Variants in PAFAH1B1 observed in about 807,000 individuals in gnomAD.
PAFAH1B1 encodes the protein platelet-activating factor acetylhydrolase IB subunit beta.
PAFAH1B1 carries 2 observed loss-of-function variants against 57.5 expected under a neutral mutation model. The ratio of observed to expected loss-of-function variants is 0.03; its 90% CI spans 0.01 to 0.11. PAFAH1B1 has a LOEUF of 0.11. Among genes scored for constraint, PAFAH1B1 ranks in the 10% least tolerant of loss-of-function variants. The pLI is 1.00. For synonymous variants in PAFAH1B1, 152 were observed against 169.6 expected, an observed-to-expected ratio of 0.90 and a Z score of 0.81; for missense variants, 257 against 512.0, an observed-to-expected ratio of 0.50 and a Z score of 4.81.
chr17:2,614,553 C>G lies in PAFAH1B1; in HGVS notation c.-191+20547C>G, dbSNP rs1432779314. Among the ~76,000 whole-genome samples, 3 of 152,198 alleles carry G rather than the reference C, an allele frequency of 2.0e-5. No individual in the cohort carries two copies. In the East Asian group the frequency reaches 5.8e-4, roughly 29 times the overall value. On this transcript the variant is annotated intron_variant, in intron 1 of 10. Transcript: ENST00000397195. ...GAAGACTAGATAGTTATATAATGAA[C>G]AAGGCAACTGTGTTTTCTTCTTGAA...
intron 1 of PAFAH1B1, among the ~76,000 whole-genome samples, chr17:2,629,964 T>G (rs1202200611): frequency 6.6e-6 from 1 of 152,132 alleles, no homozygotes; most frequent in Non-Finnish European, 1.5e-5. Context: ...TACTTTAAAT[T>G]TATGTGAGTC....
intron 2 of PAFAH1B1, among the ~76,000 whole-genome samples, chr17:2,664,734 G>A (rs116358654): frequency 0.014 from 2,059 of 148,280 alleles, 37 homozygotes; most frequent in African/African-American, 0.045. Context: ...TTTTGGTCCC[G>A]AGCATTTTGT....
chr17:2,620,068 A>G (rs1243497527), intron 1 of PAFAH1B1, among the ~76,000 whole-genome samples: 2 of 152,126 alleles, frequency 1.3e-5, no homozygotes, highest in Non-Finnish European at 2.9e-5. Flanking sequence ...TGCCCCCACA[A>G]ATATGCCCCA....
chr17:2,615,240 A>G (rs1342425939), intron 1 of PAFAH1B1, among the ~76,000 whole-genome samples: 1 of 152,218 alleles, frequency 6.6e-6, no homozygotes, highest in African/African-American at 2.4e-5. Flanking sequence ...GCCATTTTAT[A>G]TAAGGGATTC....
intron 5 of PAFAH1B1, among the ~76,000 whole-genome samples, chr17:2,669,484 G>T (rs115936795): frequency 0.06 from 9,131 of 152,048 alleles, 696 homozygotes; most frequent in African/African-American, 0.18. Flanking sequence ...GGATAGTCTC[G>T]AACTGACCTC....
At chr17:2,618,989 A>T (rs1274681010) in intron 1 of PAFAH1B1, among the ~76,000 whole-genome samples, 1 of 150,830 alleles carries the variant, frequency 6.6e-6, no homozygotes, top group Non-Finnish European at 1.5e-5. Context: ...TCAGAGCAAC[A>T]GTCATATAAC....
intron 6 of PAFAH1B1, among the ~76,000 whole-genome samples, chr17:2,671,191 G>GT (rs1011776332): frequency 1.3e-5 from 2 of 151,768 alleles, no homozygotes; most frequent in Admixed American, 6.6e-5. Context: ...CATGAACACT[G>GT]TTTTTTTGTT....
At chr17:2,652,546 A>C (rs2068876714) in intron 2 of PAFAH1B1, among the ~76,000 whole-genome samples, 1 of 151,954 alleles carries the variant, frequency 6.6e-6, no homozygotes, top group Non-Finnish European at 1.5e-5. Flanking sequence ...TGAGGTCCTG[A>C]GGTTTCTCCT....
At position 2,676,499 on chromosome 17, in the gene PAFAH1B1, C is replaced by G; in HGVS notation, c.901-6C>G. The G allele has an allele frequency of 1.9e-6, 3 of 1,580,316 alleles. No homozygotes were observed. Among genetic ancestry groups the G allele is most frequent in the Non-Finnish European group, 2.6e-6 (3 of 1,150,218 alleles). ...GGAAACTTAATTTTTATTATGTTTT[C>G]TGTAGACTAAAAAAAGTGGTAAACC... On this transcript the variant is annotated splice_polypyrimidine_tract_variant and splice_region_variant and intron_variant, in intron 8 of 10. Coordinates refer to ENST00000397195, the MANE Select transcript of PAFAH1B1 (RefSeq NM_000430.4).
intron 1 of PAFAH1B1, 125 bp downstream of exon 1, chr17:2,594,131 C>T (rs977411259): frequency 1.9e-4 from 74 of 396,074 alleles, no homozygotes; most frequent in African/African-American, 1.5e-3. Flanking sequence ...CTCCCCTCCC[C>T]CTGCCTCCGC....
At chr17:2,640,438 T>C (rs1356522182) in intron 2 of PAFAH1B1, 17 of 151,028 alleles carry the variant, frequency 1.1e-4, no homozygotes, top group Admixed American at 1.1e-3. Context: ...AATAGAGTAT[T>C]TCTCATATTG....
In PAFAH1B1 at chr17:2,683,010, G is replaced by A. The variant is rs564420150; in HGVS notation, c.*1208G>A. 9.8e-5 allele frequency: 15 copies of A among 152,640 alleles called. No individual in the cohort carries two copies. In the South Asian group the frequency reaches 2.3e-3, roughly 23 times the overall value. The allele number at this position is 152,640 out of a possible 1,614,324, so 9.5% of individuals were successfully genotyped here. ...TGGGTTTTTGAAAAAGTGCTAAAACGGACAAGTAGAATAAATGTTGCTGTG... is the reference window on the plus strand; with the variant it reads ...TGGGTTTTTGAAAAAGTGCTAAAACAGACAAGTAGAATAAATGTTGCTGTG... On this transcript the variant is annotated 3_prime_UTR_variant, in exon 11 of 11. Transcript: ENST00000397195.
chr17:2,599,222 T>A (rs2068114016), intron 1 of PAFAH1B1, among the ~76,000 whole-genome samples: 1 of 152,208 alleles, frequency 6.6e-6, no homozygotes, highest in African/African-American at 2.4e-5. Context: ...TTTTTATGGA[T>A]GAGAGAACTG....
At chr17:2,649,844 A>G (rs1456396512) in intron 2 of PAFAH1B1, among the ~76,000 whole-genome samples, 3 of 152,230 alleles carry the variant, frequency 2.0e-5, no homozygotes, top group Non-Finnish European at 4.4e-5. Flanking sequence ...ATATTATTGT[A>G]AAATGTGGAA....
rs533415561 is a variant in PAFAH1B1 at position 2,627,946 on chromosome 17, C to T, written c.-190-10153C>T. 9.2e-4 allele frequency among the ~76,000 whole-genome samples: 140 copies of T among 152,188 alleles called. 2 individuals are homozygous for T. Among genetic ancestry groups the T allele is most frequent in the African/African-American group, 3.1e-3 (128 of 41,530 alleles). On this transcript the variant is annotated intron_variant, in intron 1 of 10. Coordinates refer to ENST00000397195, the MANE Select transcript of PAFAH1B1 (RefSeq NM_000430.4). ...TTAATCTTGAATCCAGAAACTTTGCCGAATTCTTTTATCAGTTCTAGGAGC... is the reference window on the plus strand; with the variant it reads ...TTAATCTTGAATCCAGAAACTTTGCTGAATTCTTTTATCAGTTCTAGGAGC...
rs1459504738 is a variant in PAFAH1B1, at chr17:2,683,297, A to T, written c.*1495A>T. On this transcript the variant is annotated 3_prime_UTR_variant, in exon 11 of 11. Transcript: ENST00000397195. ...AATAAAGAATTCCATTGCTTAGCTA[A>T]CCAACAGGTTTTTTTTGTTTCCAAG... 1 of 152,148 alleles carries T rather than the reference A, an allele frequency of 6.6e-6. No individual in the cohort carries two copies. Among genetic ancestry groups the T allele is most frequent in the East Asian group, 1.9e-4 (1 of 5,204 alleles). The allele number at this position is 152,148 out of a possible 1,614,324, so 9.4% of individuals were successfully genotyped here.
At chr17:2,661,687 T>C (rs1408763746) in intron 2 of PAFAH1B1, among the ~76,000 whole-genome samples, 1 of 152,222 alleles carries the variant, frequency 6.6e-6, no homozygotes, top group African/African-American at 2.4e-5. Context: ...AACATCTCAG[T>C]TCATCAGCCT....
Position 2,681,960 on chromosome 17 carries a change from A to G in PAFAH1B1, c.*158A>G. The G allele has an allele frequency of 1.6e-6, 1 of 612,482 alleles. No individual in the cohort carries two copies. Among genetic ancestry groups the G allele is most frequent in the Non-Finnish European group, 2.9e-6 (1 of 348,230 alleles). 37.9% of individuals were successfully genotyped at this position (612,482 alleles called of 1,614,324 possible). On this transcript the variant is annotated 3_prime_UTR_variant, in exon 11 of 11. Coordinates refer to ENST00000397195, the MANE Select transcript of PAFAH1B1 (RefSeq NM_000430.4). ...ATTAAATGTTACACACAAAGTATTCATGCATGGTGAATCCAAATTGTATAC... is the reference window on the plus strand; with the variant it reads ...ATTAAATGTTACACACAAAGTATTCGTGCATGGTGAATCCAAATTGTATAC...
At chr17:2,681,351 A>G (rs887418669) in intron 10 of PAFAH1B1, 2 of 162,704 alleles carry the variant, frequency 1.2e-5, no homozygotes, top group African/African-American at 4.8e-5. Flanking sequence ...TCCCTAACTG[A>G]ATTGGCAAAC....
Sources: gnomAD v4.1 joint callset for allele counts (sites outside exome capture counted in the v4.1 genomes callset) on GRCh38, gnomAD v4.1.1 for gene constraint, MANE v1.5 for transcripts, NCBI Gene and HGNC (gene_info 2026-07-23, HGNC 2026-07-21) for gene names.